The following ZNF536 variants were observed in gnomAD, a reference collection of about 807,000 sequenced individuals.
The protein encoded by ZNF536 is zinc finger protein 536.
ZNF536 carries 13 observed loss-of-function variants against 84.5 expected under a neutral mutation model. The ratio of observed to expected loss-of-function variants is 0.15; its 90% CI spans 0.10 to 0.24. ZNF536 has a LOEUF of 0.24. Among genes scored for constraint, ZNF536 ranks in the 10% least tolerant of loss-of-function variants. The pLI, the probability that ZNF536 is intolerant of heterozygous loss-of-function variation, is 1.00. For synonymous variants in ZNF536, 811 were observed against 742.5 expected (o/e 1.09, Z -1.50); for missense variants, 1,536 against 1,747.5 (o/e 0.88, Z 2.16).
intron 2 of ZNF536, among the ~76,000 whole-genome samples, chr19:30,526,080 C>A (rs149092467): frequency 6.6e-6 from 1 of 152,184 alleles, no homozygotes; most frequent in Non-Finnish European, 1.5e-5. Flanking sequence ...CCCTGCTCAG[C>A]GACACGAATG....
At chr19:30,465,538 C>G (rs554045054) in intron 2 of ZNF536, among the ~76,000 whole-genome samples, 14 of 152,264 alleles carry the variant, frequency 9.2e-5, no homozygotes, top group African/African-American at 3.4e-4. Context: ...CCAGCACCCA[C>G]GGCAGTGCCT....
Position 30,432,688 on chromosome 19 carries a change from A to G in ZNF536, c.-2-10873A>G, listed in dbSNP as rs916535475. Among the ~76,000 whole-genome samples the G allele has an allele frequency of 2.0e-5, 3 of 152,210 alleles. No individual in the cohort carries two copies. The South Asian group carries it at 6.2e-4, about 32-fold the overall frequency. ...CCTTCCGATGTTTGGTTTGTGGTCC[A>G]GGAGTTTATTTTCATCCTTTACTGG... On this transcript the variant is annotated intron_variant, in intron 1 of 4. Transcript: ENST00000355537.
At chr19:30,605,143 G>A (rs1006742982) in intron 1 of ZNF536, among the ~76,000 whole-genome samples, 3 of 152,170 alleles carry the variant, frequency 2.0e-5, no homozygotes, top group Non-Finnish European at 4.4e-5. Context: ...CTGTAGGAAG[G>A]TAATAGTGGA....
intron 1 of ZNF536, among the ~76,000 whole-genome samples, chr19:30,630,542 G>T (rs928741098): frequency 6.6e-6 from 1 of 152,208 alleles, no homozygotes; most frequent in Non-Finnish European, 1.5e-5. Context: ...AGGAACAAGA[G>T]CAGGGCTGGG....
At chr19:30,261,986 G>T (rs2025251033) in intron 1 of ZNF536, among the ~76,000 whole-genome samples, 1 of 152,166 alleles carries the variant, frequency 6.6e-6, no homozygotes, top group African/African-American at 2.4e-5. Flanking sequence ...CAGGCTGCTG[G>T]TGGGTGCACT....
intron 2 of ZNF536, among the ~76,000 whole-genome samples, chr19:30,466,605 A>C (rs1376221653): frequency 6.6e-6 from 1 of 151,892 alleles, no homozygotes; most frequent in Non-Finnish European, 1.5e-5. Context: ...AGAGAGAGAA[A>C]GAAAAGAGAA....
At chr19:30,631,287 C>A (rs1178474310) in intron 1 of ZNF536, among the ~76,000 whole-genome samples, 1 of 152,236 alleles carries the variant, frequency 6.6e-6, no homozygotes, top group Non-Finnish European at 1.5e-5. Flanking sequence ...TGTTACGCAG[C>A]CAGGCTGCCC....
chr19:30,229,835 A>G (rs2022901223), intron 1 of ZNF536, among the ~76,000 whole-genome samples: 1 of 152,142 alleles, frequency 6.6e-6, no homozygotes, highest in South Asian at 2.1e-4. Flanking sequence ...ACTGAGGAGA[A>G]ACCCGGCTGC....
intron 1 of ZNF536, among the ~76,000 whole-genome samples, chr19:30,667,602 C>G (rs76559758): frequency 0.017 from 2,511 of 143,944 alleles, 29 homozygotes; most frequent in Middle Eastern, 0.041. Flanking sequence ...TCAGAAGACT[C>G]TCTCAGCTAG....
chr19:30,464,083 G>T (rs1021510130), intron 2 of ZNF536, among the ~76,000 whole-genome samples: 2 of 152,336 alleles, frequency 1.3e-5, no homozygotes, highest in South Asian at 2.1e-4. Flanking sequence ...TGGAAGCCAG[G>T]GGTACAACCT....
At chr19:30,289,120 C>A (rs1401028095) in intron 2 of ZNF536, among the ~76,000 whole-genome samples, 2 of 152,060 alleles carry the variant, frequency 1.3e-5, no homozygotes, top group Admixed American at 1.3e-4. Context: ...GTTTGGAGAA[C>A]GCATTCTGAG....
chr19:30,356,128 T>G (rs2048087718), intron 3 of ZNF536, among the ~76,000 whole-genome samples: 1 of 152,044 alleles, frequency 6.6e-6, no homozygotes, highest in Non-Finnish European at 1.5e-5. Flanking sequence ...CCCACCACAA[T>G]GTAGATTTCC....
intron 2 of ZNF536, among the ~76,000 whole-genome samples, chr19:30,510,560 C>T (rs749568590): frequency 9.2e-5 from 14 of 152,174 alleles, no homozygotes; most frequent in Admixed American, 3.9e-4. Context: ...ATGAGTTGCC[C>T]GCAGAGGCAT....
downstream of ZNF536, among the ~76,000 whole-genome samples, chr19:30,559,439 T>G (rs2146402775): frequency 6.6e-6 from 1 of 152,300 alleles, no homozygotes; most frequent in African/African-American, 2.4e-5. Flanking sequence ...TTATTTGCAA[T>G]GTCCCCTGAG....
chr19:30,249,365 G>A (rs903322620), intron 1 of ZNF536, among the ~76,000 whole-genome samples: 2 of 147,994 alleles, frequency 1.4e-5, no homozygotes, highest in African/African-American at 4.9e-5. Flanking sequence ...GAGGGGGAGG[G>A]GGACAAGGAG....
intron 2 of ZNF536, among the ~76,000 whole-genome samples, chr19:30,285,694 T>G (rs2045601217): frequency 6.6e-6 from 1 of 152,156 alleles, no homozygotes; most frequent in Non-Finnish European, 1.5e-5. Context: ...TGACATAGGG[T>G]CTTTCACATT....
chr19:30,361,349 TTTTTC>T (rs910879372), intron 3 of ZNF536, among the ~76,000 whole-genome samples: 13 of 152,108 alleles, frequency 8.5e-5, no homozygotes, highest in Non-Finnish European at 1.8e-4. Flanking sequence ...TTCTTTTTCT[TTTTTC>T]TTTTCTTTTC....
chr19:30,402,795 A>AT (rs55829467), intron 1 of ZNF536, among the ~76,000 whole-genome samples: 48,338 of 78,308 alleles, frequency 0.62, 13,335 homozygotes, highest in Non-Finnish European at 0.71. Context: ...TAAAATTAAA[A>AT]AATATATATA....
intron 2 of ZNF536, among the ~76,000 whole-genome samples, chr19:30,299,459 A>G (rs1014789561): frequency 6.6e-6 from 1 of 152,210 alleles, no homozygotes; most frequent in African/African-American, 2.4e-5. Flanking sequence ...GAGAGAAGAT[A>G]TAAAATAGGC....
Sources: allele counts gnomAD v4.1 joint callset (sites outside exome capture counted in the v4.1 genomes callset), GRCh38; gene constraint gnomAD v4.1.1; transcripts MANE v1.5; gene names NCBI Gene and HGNC (gene_info 2026-07-23, HGNC 2026-07-21).